PCDHGA4: variants seen among roughly 807,000 people sequenced by gnomAD.
The protein encoded by PCDHGA4 is protocadherin gamma subfamily A, 4, also known as protocadherin gamma-A4.
Under a neutral mutation model 54.6 loss-of-function variants are expected in PCDHGA4, and 38 were observed. The ratio of observed to expected loss-of-function variants is 0.70; its 90% CI spans 0.54 to 0.91. The LOEUF is 0.91. PCDHGA4 is among the 40% of genes least tolerant of loss of function. PCDHGA4 has a pLI of 0.00. For missense variants in PCDHGA4, 1,298 were observed against 1,220.9 expected, an observed-to-expected ratio of 1.06 and a Z score of -0.94; for synonymous variants, 511 against 512.9, an observed-to-expected ratio of 1.00 and a Z score of 0.05.
At position 141,487,051 on chromosome 5, in the gene PCDHGA4, G is replaced by A. The variant is rs1348441475; in HGVS notation, c.2515-7756G>A. The A allele has an allele frequency of 3.7e-6, 6 of 1,614,024 alleles. No individual in the cohort carries two copies. The highest frequency in any genetic ancestry group is 5.1e-6 in the Non-Finnish European group (6 of 1,180,024). On this transcript the variant is annotated intron_variant, in intron 1 of 3. Coordinates refer to ENST00000571252, the MANE Select transcript of PCDHGA4 (RefSeq NM_018917.4). This position sits in a 1 kb window ranked among gnomAD's most constrained non-coding sequence, Gnocchi z 5.0. ...TGTTTGCAGTCTCTCGATATGCTGG[G>A]GAGGTGCGGACGGCTGTTCCTATCC... is the stretch of plus-strand genomic sequence containing the variant.
At chr5:141,377,095 T>G (rs887467044) in intron 1 of PCDHGA4, 5 of 152,298 alleles carry the variant, frequency 3.3e-5, no homozygotes, top group Non-Finnish European at 7.3e-5. Context: ...GTTTTTCTTT[T>G]ATATCAAAAG....
At chr5:141,500,094 A>C (rs2099796337) in intron 2 of PCDHGA4, among the ~76,000 whole-genome samples, 1 of 151,860 alleles carries the variant, frequency 6.6e-6, no homozygotes, top group South Asian at 2.1e-4. Context: ...CCATTTTTGC[A>C]ATTTATTTGT....
At chr5:141,375,769 C>G in intron 1 of PCDHGA4, 2 of 1,614,238 alleles carry the variant, frequency 1.2e-6, no homozygotes, top group Non-Finnish European at 1.7e-6. Context: ...CGCCCGAGAT[C>G]CTGTACCCCG....
At chr5:141,441,004 C>G (rs1258800474) in intron 1 of PCDHGA4, 1 of 152,066 alleles carries the variant, frequency 6.6e-6, no homozygotes, top group African/African-American at 2.4e-5. Flanking sequence ...TCTAGTTTGG[C>G]CTTGATCAAA....
intron 1 of PCDHGA4, chr5:141,407,989 T>C: frequency 1.2e-6 from 1 of 833,618 alleles, no homozygotes; most frequent in Non-Finnish European, 1.8e-6. Context: ...TCCGTCAGCC[T>C]CTGGCCTGGG....
chr5:141,431,225 C>A lies in PCDHGA4; in HGVS notation c.2515-63582C>A. On this transcript the variant is annotated intron_variant, in intron 1 of 3. Coordinates refer to ENST00000571252, the MANE Select transcript of PCDHGA4 (RefSeq NM_018917.4). The surrounding 1 kb of genome is among the most constrained non-coding windows in gnomAD (Gnocchi z 4.8). ...CACTGAGATGCGGTTCCCTCTACCC[C>A]ACGCCTGGGATCCGGATATCGGGAA... The A allele has an allele frequency of 1.2e-6, 2 of 1,614,118 alleles. No individual in the cohort carries two copies. The highest frequency in any genetic ancestry group is 1.7e-6 in the Non-Finnish European group (2 of 1,180,036).
chr5:141,426,104 A>T (rs2096915289), intron 1 of PCDHGA4, among the ~76,000 whole-genome samples: 1 of 152,258 alleles, frequency 6.6e-6, no homozygotes, highest in Non-Finnish European at 1.5e-5. Flanking sequence ...GTTCAGTCAC[A>T]GAAGCAAGTC....
Position 141,490,800 on chromosome 5 carries a change from TACCTTTG to T in PCDHGA4, c.2515-4004_2515-3998del, listed in dbSNP as rs763340907. Reference sequence around the variant, plus strand: ...AGGATGGACGGATCTTTGCCCAGCGTACCTTTGACTATGAATTGCTGCAGATGCTGCA... The same window carrying T: ...AGGATGGACGGATCTTTGCCCAGCGTACTATGAATTGCTGCAGATGCTGCA... On this transcript the variant is annotated intron_variant, in intron 1 of 3. Transcript: ENST00000571252. The surrounding 1 kb of genome is among the most constrained non-coding windows in gnomAD (Gnocchi z 5.4). 2.5e-6 allele frequency: 4 copies of T among 1,613,968 alleles called. No homozygotes were observed. The highest frequency in any genetic ancestry group is 1.7e-6 in the Non-Finnish European group (2 of 1,179,894).
intron 1 of PCDHGA4, among the ~76,000 whole-genome samples, chr5:141,443,082 C>A (rs958408385): frequency 6.6e-6 from 1 of 151,624 alleles, no homozygotes; most frequent in African/African-American, 2.4e-5. Flanking sequence ...ACTGAGTGTT[C>A]CAGTCTCCTT....
chr5:141,375,953 G>A (rs752339386), intron 1 of PCDHGA4: 1 of 1,613,498 alleles, frequency 6.2e-7, no homozygotes, highest in African/African-American at 1.3e-5. Context: ...CCTGCACACG[G>A]GCGAGGTGCG....
Position 141,424,000 on chromosome 5 carries a change from A to G in PCDHGA4, c.2514+66379A>G, listed in dbSNP as rs2096794510. On this transcript the variant is annotated intron_variant, in intron 1 of 3. Coordinates refer to ENST00000571252, the MANE Select transcript of PCDHGA4 (RefSeq NM_018917.4). ...ATGAGGCTCTCAATTTATTATATAT[A>G]GATACAAATTAATGATTCACAAACA... 5 of 1,076,368 alleles carry G rather than the reference A, an allele frequency of 4.6e-6. No homozygotes were observed. In the South Asian group the frequency reaches 1.4e-4, roughly 30 times the overall value. 66.7% of individuals were successfully genotyped at this position (1,076,368 alleles called of 1,614,324 possible).
At chr5:141,478,287 G>C (rs777542913) in intron 1 of PCDHGA4, 1 of 1,614,154 alleles carries the variant, frequency 6.2e-7, no homozygotes, top group South Asian at 1.1e-5. Context: ...AAGCAGTCTA[G>C]AGACCTATAC....
At chr5:141,453,700 G>A (rs953445370) in intron 1 of PCDHGA4, among the ~76,000 whole-genome samples, 1 of 152,166 alleles carries the variant, frequency 6.6e-6, no homozygotes, top group Non-Finnish European at 1.5e-5. Flanking sequence ...TCCTGGCTTT[G>A]AACAGTTTCA....
At chr5:141,448,999 GT>G (rs910018882) in intron 1 of PCDHGA4, among the ~76,000 whole-genome samples, 2 of 151,816 alleles carry the variant, frequency 1.3e-5, no homozygotes, top group African/African-American at 4.8e-5. Context: ...ATAGAAAGCT[GT>G]TTTTTTTAAC....
chr5:141,485,106 T>C lies in PCDHGA4; in HGVS notation c.2515-9701T>C, dbSNP rs2099607051. The C allele has an allele frequency of 3.3e-6, 4 of 1,206,448 alleles. No homozygotes were observed. Among genetic ancestry groups the C allele is most frequent in the Non-Finnish European group, 4.8e-6 (4 of 828,284 alleles). 74.7% of individuals were successfully genotyped at this position (1,206,448 alleles called of 1,614,324 possible). ...GGGAGATAGGTGTCTCCAGCTGCTGTGGCTGTTTGGGGCGGGTCGGCTTCA... is the reference window on the plus strand; with the variant it reads ...GGGAGATAGGTGTCTCCAGCTGCTGCGGCTGTTTGGGGCGGGTCGGCTTCA... On this transcript the variant is annotated intron_variant, in intron 1 of 3. Coordinates refer to ENST00000571252, the MANE Select transcript of PCDHGA4 (RefSeq NM_018917.4). This position sits in a 1 kb window ranked among gnomAD's most constrained non-coding sequence, Gnocchi z 5.7.
intron 1 of PCDHGA4, chr5:141,415,275 G>A (rs1242620005): frequency 5.6e-6 from 9 of 1,614,094 alleles, no homozygotes; most frequent in East Asian, 4.5e-5. Flanking sequence ...TGGTGGTAGC[G>A]GTGGCCGCGG....
rs543116266 is a variant in PCDHGA4 at position 141,474,428 on chromosome 5, C to A, written c.2515-20379C>A. 3.9e-5 allele frequency among the ~76,000 whole-genome samples: 6 copies of A among 152,346 alleles called. 1 individual carries two copies. In the South Asian group the frequency reaches 1.0e-3, roughly 26 times the overall value. On this transcript the variant is annotated intron_variant, in intron 1 of 3. Coordinates refer to ENST00000571252, the MANE Select transcript of PCDHGA4 (RefSeq NM_018917.4). ...CGGTGATGCCTAGACCATTGGTCCT[C>A]ACACTTTGAGTAGCAAGTGATTGGG...
chr5:141,465,210 AT>A (rs1374516492), intron 1 of PCDHGA4, among the ~76,000 whole-genome samples: 4 of 152,032 alleles, frequency 2.6e-5, no homozygotes, highest in African/African-American at 9.7e-5. Flanking sequence ...TATAAGCTTT[AT>A]TTTTCAACAT....
At chr5:141,413,177 T>G (rs2095610843) in intron 1 of PCDHGA4, 4 of 1,602,350 alleles carry the variant, frequency 2.5e-6, no homozygotes, top group Non-Finnish European at 3.4e-6. Flanking sequence ...CAGACTACAA[T>G]GGCCGCTCAA....
Sources: allele counts gnomAD v4.1 joint callset (sites outside exome capture counted in the v4.1 genomes callset), GRCh38; gene constraint gnomAD v4.1.1; non-coding constraint Gnocchi (gnomAD v3.1); transcripts MANE v1.5; gene names NCBI Gene and HGNC (gene_info 2026-07-23, HGNC 2026-07-21).